Variants in NINL observed in about 807,000 individuals in gnomAD.
The protein encoded by NINL is ninein like.
Under a neutral mutation model 160.3 loss-of-function variants are expected in NINL, and 153 were observed. The observed-to-expected ratio is 0.95, with a 90% CI of 0.84 to 1.09. The LOEUF is 1.09. Ranked by LOEUF, NINL falls within the 50% of genes least tolerant of loss-of-function variation. The pLI, the probability that NINL is intolerant of heterozygous loss-of-function variation, is 0.00. For missense variants in NINL, 1,829 were observed against 1,764.0 expected (o/e 1.04, Z -0.66); for synonymous variants, 800 against 734.8 (o/e 1.09, Z -1.43).
chr20:25,533,887 G>A (rs994460931), intron 1 of NINL, among the ~76,000 whole-genome samples: 7 of 152,174 alleles, frequency 4.6e-5, no homozygotes, highest in African/African-American at 1.7e-4. Flanking sequence ...TATAAACAGA[G>A]AGAAAGCTTC....
At position 25,512,833 on chromosome 20, in the gene NINL, C is replaced by A; in HGVS notation, c.450+1G>T. On this transcript the variant is annotated splice_donor_variant, in intron 4 of 23. Transcript: ENST00000278886. LOFTEE classifies it high-confidence loss of function. ...TGGGGTGGGAGAGGGGCCTGACCCACCTCCACGCTCTCCAGAGACGCTGAG... is the reference window on the plus strand; with the variant it reads ...TGGGGTGGGAGAGGGGCCTGACCCAACTCCACGCTCTCCAGAGACGCTGAG... 1 of 1,609,736 alleles carries A rather than the reference C, an allele frequency of 6.2e-7. No individual in the cohort carries two copies. Among genetic ancestry groups the A allele is most frequent in the Non-Finnish European group, 8.5e-7 (1 of 1,177,462 alleles).
chr20:25,501,044 G>T (rs757706624), intron 7 of NINL, 34 bp from the exon 8 acceptor site: 2 of 1,602,684 alleles, frequency 1.2e-6, no homozygotes, highest in Admixed American at 3.4e-5. Context: ...AGCGCCCAGC[G>T]TCCAAAGCCT....
intron 17 of NINL, among the ~76,000 whole-genome samples, chr20:25,470,523 G>A (rs981163721): frequency 6.6e-6 from 1 of 152,080 alleles, no homozygotes; most frequent in Non-Finnish European, 1.5e-5. Context: ...GAATCAGAAG[G>A]CCAAGATATA....
chr20:25,462,361 C>G (rs559771), intron 20 of NINL, 22 bp downstream of exon 20: 481,619 of 1,601,384 alleles, frequency 0.3, 80,303 homozygotes, highest in African/African-American at 0.65. Context: ...CAGCTCAGCT[C>G]CCTGCGGCTG....
chr20:25,528,185 G>A (rs1201441610), intron 1 of NINL, among the ~76,000 whole-genome samples: 3 of 151,970 alleles, frequency 2.0e-5, no homozygotes, highest in South Asian at 2.1e-4. Context: ...GCATACCACC[G>A]TGCCCAGCTA....
intron 1 of NINL, among the ~76,000 whole-genome samples, chr20:25,542,898 T>A (rs2064686700): frequency 6.6e-6 from 1 of 150,934 alleles, no homozygotes; most frequent in Non-Finnish European, 1.5e-5. Context: ...CCAGGGGTAG[T>A]GGAAGGCACT....
At position 25,453,611 on chromosome 20, in the gene NINL, A is replaced by G. The variant is rs767202930; in HGVS notation, c.3989T>C (p.Leu1330Pro). Residue 1330 changes from leucine to proline, a missense_variant, in exon 24 of 24, where the codon CTG (leucine) becomes CCG (proline). Leu to Pro is a moderately conservative substitution (Grantham distance 98). Coordinates refer to ENST00000278886, the MANE Select transcript of NINL (RefSeq NM_025176.6). The stretch of plus-strand genomic sequence containing the variant: ...GGCGTTCTCCACGTACAGCTCCTTC[A>G]GCAGCAGGTCGGACTTCGTGTTCTT... ...FEKNTKSDLL[L>P]KELYVENAHL... The G allele has an allele frequency of 6.2e-7, 1 of 1,611,168 alleles. No homozygotes were observed. Among genetic ancestry groups the G allele is most frequent in the African/African-American group, 1.3e-5 (1 of 74,890 alleles).
At chr20:25,493,881 T>G (rs974016220) in intron 10 of NINL, among the ~76,000 whole-genome samples, 5 of 152,120 alleles carry the variant, frequency 3.3e-5, no homozygotes, top group African/African-American at 4.8e-5. Flanking sequence ...TGCCTGCACC[T>G]GTCCCTGTAC....
chr20:25,558,522 C>T (rs1200406236), intron 1 of NINL, among the ~76,000 whole-genome samples: 2 of 152,190 alleles, frequency 1.3e-5, no homozygotes, highest in Admixed American at 1.3e-4. Context: ...TTATTTTACC[C>T]CCTTGGAACT....
At chr20:25,462,168 C>T (rs975170330) in intron 20 of NINL, among the ~76,000 whole-genome samples, 2 of 152,228 alleles carry the variant, frequency 1.3e-5, no homozygotes, top group South Asian at 2.1e-4. Flanking sequence ...TACCAATTCA[C>T]TCCTCTGTCA....
chr20:25,525,080 A>G (rs914642742), intron 2 of NINL, among the ~76,000 whole-genome samples: 1 of 152,146 alleles, frequency 6.6e-6, no homozygotes, highest in African/African-American at 2.4e-5. Flanking sequence ...ATCATTATCT[A>G]TCAATAACAC....
chr20:25,528,845 C>G (rs1425214566), intron 1 of NINL, among the ~76,000 whole-genome samples: 2 of 152,192 alleles, frequency 1.3e-5, no homozygotes, highest in East Asian at 3.8e-4. Context: ...AAAAGTCAAT[C>G]AAGCTCATTC....
intron 10 of NINL, among the ~76,000 whole-genome samples, chr20:25,495,478 C>T (rs2146731399): frequency 6.6e-6 from 1 of 152,262 alleles, no homozygotes; most frequent in East Asian, 1.9e-4. Flanking sequence ...AGAGGGTGGG[C>T]CGACCTGCAG....
chr20:25,540,935 CTT>C (rs33981300), intron 1 of NINL, among the ~76,000 whole-genome samples: 12 of 148,184 alleles, frequency 8.1e-5, no homozygotes, highest in African/African-American at 2.5e-4. Flanking sequence ...AAAGCTATCC[CTT>C]TTTTTTTTTA....
chr20:25,461,732 AAG>A, intron 20 of NINL, 97 bp from the exon 21 acceptor site: 1 of 864,694 alleles, frequency 1.2e-6, no homozygotes, highest in Non-Finnish European at 1.8e-6. Flanking sequence ...AAAAGAAAAA[AAG>A]TACAAAATTT....
intron 1 of NINL, among the ~76,000 whole-genome samples, chr20:25,573,296 TC>T (rs370919064): frequency 0.37 from 53,819 of 144,742 alleles, 10,472 homozygotes; most frequent in Admixed American, 0.47. Flanking sequence ...AAACTCCATC[TC>T]AAAAAAAAAA....
intron 1 of NINL, among the ~76,000 whole-genome samples, chr20:25,562,932 C>A (rs1169145132): frequency 6.6e-6 from 1 of 152,200 alleles, no homozygotes; most frequent in African/African-American, 2.4e-5. Context: ...CTTTGGGAGG[C>A]TAAGGCGGGC....
chr20:25,510,667 G>T lies in NINL; in HGVS notation c.517+7C>A, dbSNP rs767199795. 1 of 1,613,294 alleles carries T rather than the reference G, an allele frequency of 6.2e-7. No individual in the cohort carries two copies. The highest frequency in any genetic ancestry group is 1.7e-5 in the Admixed American group (1 of 60,030). Reference sequence around the variant, plus strand: ...AGAGAGCACTGAATGCGAGGCTGAGGCTTTACCTTGTGCTTCAAATAATTC... The same window carrying T: ...AGAGAGCACTGAATGCGAGGCTGAGTCTTTACCTTGTGCTTCAAATAATTC... On this transcript the variant is annotated splice_region_variant and intron_variant, in intron 5 of 23. Coordinates refer to ENST00000278886, the MANE Select transcript of NINL (RefSeq NM_025176.6).
chr20:25,470,278 G>GAGCCA lies in NINL; in HGVS notation c.3249-188_3249-184dup, dbSNP rs2063064481. Among the ~76,000 whole-genome samples the GAGCCA allele has an allele frequency of 2.0e-5, 3 of 152,302 alleles. No homozygotes were observed. In the South Asian group the frequency reaches 6.2e-4, roughly 32 times the overall value. The stretch of plus-strand genomic sequence containing the variant: ...GGTGTTAACGTCTTACATCTCCCAT[G>GAGCCA]AGCCAAGCCACAGAAAACGGAACTT... On this transcript the variant is annotated intron_variant, in intron 17 of 23. Coordinates refer to ENST00000278886, the MANE Select transcript of NINL (RefSeq NM_025176.6).
Sources: allele counts gnomAD v4.1 joint callset (sites outside exome capture counted in the v4.1 genomes callset), GRCh38; gene constraint gnomAD v4.1.1; transcripts MANE v1.5; gene names NCBI Gene and HGNC (gene_info 2026-07-23, HGNC 2026-07-21).